The following CENPW variants were observed in gnomAD, a reference collection of about 807,000 sequenced individuals.
CENPW encodes cancer-up-regulated gene 2 protein.
A neutral mutation model predicts 11.1 loss-of-function variants in CENPW; 3 were observed. The ratio of observed to expected loss-of-function variants is 0.27; its 90% confidence interval spans 0.12 to 0.70. CENPW has a LOEUF of 0.70. CENPW is among the 30% of genes least tolerant of loss of function. The pLI, the probability that CENPW is intolerant of heterozygous loss-of-function variation, is 0.77. For synonymous variants in CENPW, 38 were observed against 42.0 expected, an observed-to-expected ratio of 0.91 and a Z score of 0.37; for missense variants, 100 against 105.6, an observed-to-expected ratio of 0.95 and a Z score of 0.23.
chr6:126,364,976 A>C, the CENPW span, among the ~76,000 whole-genome samples: 1 of 152,236 alleles, frequency 6.6e-6, no homozygotes, highest in African/African-American at 2.4e-5. Flanking sequence ...AGATTCAGAG[A>C]GAAGTAACTT....
chr6:126,388,559 C>G, the CENPW span, among the ~76,000 whole-genome samples: 1 of 151,936 alleles, frequency 6.6e-6, no homozygotes, highest in Non-Finnish European at 1.5e-5. Context: ...TCAGGACCTA[C>G]TGTTCATGTT....
chr6:126,376,165 G>C, the CENPW span, among the ~76,000 whole-genome samples: 1 of 152,142 alleles, frequency 6.6e-6, no homozygotes, highest in Non-Finnish European at 1.5e-5. Flanking sequence ...ATACTGAGGC[G>C]AGTGAATGAA....
intron 1 of CENPW, among the ~76,000 whole-genome samples, chr6:126,343,812 G>A (rs990699508): frequency 6.6e-6 from 1 of 152,094 alleles, no homozygotes; most frequent in Admixed American, 6.5e-5. Context: ...GATTGAGGGT[G>A]GGTCTGCCCA....
the CENPW span, among the ~76,000 whole-genome samples, chr6:126,476,356 T>G: frequency 6.6e-6 from 1 of 151,968 alleles, no homozygotes; most frequent in Non-Finnish European, 1.5e-5. Context: ...AGCTTTCTAC[T>G]GAAAAATTTT....
At chr6:126,433,591 A>G in the CENPW span, among the ~76,000 whole-genome samples, 3 of 152,154 alleles carry the variant, frequency 2.0e-5, no homozygotes, top group Non-Finnish European at 4.4e-5. Context: ...TTCAGCAGGG[A>G]ACAAGAGGAT....
At chr6:126,364,593 C>T in the CENPW span, among the ~76,000 whole-genome samples, 1 of 152,138 alleles carries the variant, frequency 6.6e-6, no homozygotes, top group African/African-American at 2.4e-5. Context: ...AGCACATAAC[C>T]CTCCATTTCT....
the CENPW span, among the ~76,000 whole-genome samples, chr6:126,417,749 G>A: frequency 1.3e-5 from 2 of 151,980 alleles, no homozygotes; most frequent in Admixed American, 6.6e-5. Context: ...CCCAGTCTTG[G>A]GTATGTCTTT....
the CENPW span, among the ~76,000 whole-genome samples, chr6:126,361,682 A>G: frequency 7.9e-5 from 12 of 151,840 alleles, no homozygotes; most frequent in African/African-American, 2.9e-4. Context: ...CATTTAGGGA[A>G]TCCCCTTGGT....
chr6:126,368,697 T>G, the CENPW span, among the ~76,000 whole-genome samples: 1 of 151,620 alleles, frequency 6.6e-6, no homozygotes, highest in Non-Finnish European at 1.5e-5. Flanking sequence ...CAGGCTGGAG[T>G]GCAGTGGCGC....
chr6:126,454,570 C>G, the CENPW span, among the ~76,000 whole-genome samples: 1 of 151,124 alleles, frequency 6.6e-6, no homozygotes, highest in African/African-American at 2.4e-5. Context: ...ACAGCTAACG[C>G]AACATTAAGA....
the CENPW span, among the ~76,000 whole-genome samples, chr6:126,476,334 A>G: frequency 6.6e-6 from 1 of 151,992 alleles, no homozygotes; most frequent in East Asian, 1.9e-4. Flanking sequence ...GACGAAGATT[A>G]GTATGCCCTC....
the CENPW span, among the ~76,000 whole-genome samples, chr6:126,474,590 T>C: frequency 6.6e-6 from 1 of 152,202 alleles, no homozygotes; most frequent in African/African-American, 2.4e-5. Flanking sequence ...TTATCTCTCC[T>C]AGGTTCTGCT....
chr6:126,413,463 C>G, the CENPW span, among the ~76,000 whole-genome samples: 6 of 152,028 alleles, frequency 3.9e-5, no homozygotes, highest in Admixed American at 2.6e-4. Context: ...CAAAAGCCAA[C>G]TAAATTATAA....
At chr6:126,469,326 G>A in the CENPW span, among the ~76,000 whole-genome samples, 12 of 152,054 alleles carry the variant, frequency 7.9e-5, no homozygotes, top group South Asian at 2.1e-4. Context: ...GTCTCCTACC[G>A]CCTTATGAAG....
the CENPW span, among the ~76,000 whole-genome samples, chr6:126,427,049 G>C: frequency 2.0e-5 from 3 of 151,944 alleles, no homozygotes; most frequent in Non-Finnish European, 4.4e-5. Flanking sequence ...TATCCTTTTT[G>C]CACATTTCCA....
the CENPW span, among the ~76,000 whole-genome samples, chr6:126,462,712 A>C: frequency 2.0e-5 from 3 of 151,906 alleles, no homozygotes; most frequent in Non-Finnish European, 4.4e-5. Flanking sequence ...TTATTTATTT[A>C]AAAAAACAAC....
chr6:126,403,537 A>C, the CENPW span, among the ~76,000 whole-genome samples: 6 of 152,204 alleles, frequency 3.9e-5, no homozygotes, highest in Middle Eastern at 6.8e-3. Flanking sequence ...CAAGGCCATA[A>C]CTCTCTTCAA....
the CENPW span, among the ~76,000 whole-genome samples, chr6:126,408,503 C>A: frequency 2.0e-5 from 3 of 152,064 alleles, no homozygotes; most frequent in Non-Finnish European, 4.4e-5. Flanking sequence ...CCTCTCATGA[C>A]ACTTGGGAAT....
the CENPW span, among the ~76,000 whole-genome samples, chr6:126,459,661 A>G: frequency 6.6e-6 from 1 of 151,576 alleles, no homozygotes; most frequent in Non-Finnish European, 1.5e-5. Context: ...TTAGCTTGCA[A>G]CATTCCATAT....
Sources: gnomAD v4.1 joint callset for allele counts (sites outside exome capture counted in the v4.1 genomes callset) on GRCh38, gnomAD v4.1.1 for gene constraint, MANE v1.5 for transcripts, NCBI Gene and HGNC (gene_info 2026-07-23, HGNC 2026-07-21) for gene names.